Variants in IL33 observed in about 807,000 individuals in gnomAD.
IL33 encodes interleukin 33.
Under a neutral mutation model 27.3 loss-of-function variants are expected in IL33, and 37 were observed. The observed-to-expected ratio is 1.36, with a 90% CI of 1.04 to 1.78. IL33 has a LOEUF of 1.78. Among genes scored for constraint, IL33 ranks in the 40% most tolerant of loss-of-function variants. IL33 has a pLI of 0.00. For missense variants in IL33, 406 were observed against 311.4 expected, an observed-to-expected ratio of 1.30 and a Z score of -2.29; for synonymous variants, 132 against 102.9, an observed-to-expected ratio of 1.28 and a Z score of -1.71.
intron 1 of IL33, among the ~76,000 whole-genome samples, chr9:6,220,528 A>C (rs990745899): frequency 1.3e-5 from 2 of 152,150 alleles, no homozygotes; most frequent in Admixed American, 6.6e-5. Context: ...TTAGGGGACT[A>C]TATGCTTTTC....
Position 6,250,502 on chromosome 9 carries a change from C to T in IL33, c.120C>T (p.Cys40=), listed in dbSNP as rs1816286194. The change falls in exon 3 of 8, where the codon TGC becomes TGT. Residue 40 remains cysteine, a synonymous_variant. Coordinates refer to ENST00000682010, the MANE Select transcript of IL33 (RefSeq NM_033439.4). The part of the protein sequence containing the change: ...GKSQQKAKEV[C]PMYFMKLRSG... ...CCCAACAGAAGGCCAAAGAAGTTTGCCCCATGTACTTTATGAAGCTCCGCT... is the reference window on the plus strand; with the variant it reads ...CCCAACAGAAGGCCAAAGAAGTTTGTCCCATGTACTTTATGAAGCTCCGCT... The T allele has an allele frequency of 6.2e-7, 1 of 1,613,524 alleles. No individual in the cohort carries two copies. The highest frequency in any genetic ancestry group is 8.5e-7 in the Non-Finnish European group (1 of 1,179,784).
At chr9:6,249,656 G>A (rs890842739) in intron 2 of IL33, among the ~76,000 whole-genome samples, 4 of 152,052 alleles carry the variant, frequency 2.6e-5, no homozygotes, top group Admixed American at 1.3e-4. Context: ...CTTAGATGGC[G>A]GTAAGTGGAT....
At position 6,255,947 on chromosome 9, in the gene IL33, CTT is replaced by C; in HGVS notation, c.613-19_613-18del. 1 of 1,605,838 alleles carries C rather than the reference CTT, an allele frequency of 6.2e-7. No individual in the cohort carries two copies. The highest frequency in any genetic ancestry group is 1.7e-5 in the Admixed American group (1 of 59,896). The stretch of plus-strand genomic sequence containing the variant: ...GAACTTCCCATTCACATATGGATTG[CTT>C]TCTCTCTTGTTTCCTCAGCTCCATA... On this transcript the variant is annotated intron_variant, in intron 7 of 7. Transcript: ENST00000682010.
intron 1 of IL33, among the ~76,000 whole-genome samples, chr9:6,238,695 G>GGTTT (rs775988032): frequency 5.9e-5 from 9 of 152,098 alleles, no homozygotes; most frequent in Admixed American, 2.0e-4. Context: ...GGGATAATTT[G>GGTTT]GTTTGTTTGT....
At chr9:6,231,938 T>A (rs1430222317) in intron 1 of IL33, among the ~76,000 whole-genome samples, 1 of 152,234 alleles carries the variant, frequency 6.6e-6, no homozygotes, top group African/African-American at 2.4e-5. Flanking sequence ...TAAGAATTTC[T>A]CATAAACTCA....
chr9:6,235,995 ACACCCACACC>A (rs1441349652), intron 1 of IL33, among the ~76,000 whole-genome samples: 5 of 140,260 alleles, frequency 3.6e-5, no homozygotes, highest in South Asian at 2.3e-4. Flanking sequence ...ATCACAACAT[ACACCCACACC>A]CACCCACACC....
chr9:6,245,366 C>A (rs1819774280), intron 2 of IL33, among the ~76,000 whole-genome samples: 1 of 152,154 alleles, frequency 6.6e-6, no homozygotes, highest in East Asian at 1.9e-4. Flanking sequence ...TTGGCTAGAA[C>A]TGAGTAGAGA....
chr9:6,248,035 C>T (rs11792633), intron 2 of IL33, among the ~76,000 whole-genome samples: 53,535 of 151,732 alleles, frequency 0.35, 9,842 homozygotes, highest in East Asian at 0.5. Context: ...ATTAGGCATG[C>T]CTATCACGTT....
chr9:6,244,826 T>C (rs1322136980), intron 2 of IL33, among the ~76,000 whole-genome samples: 2 of 152,172 alleles, frequency 1.3e-5, no homozygotes, highest in East Asian at 3.8e-4. Flanking sequence ...AAAGCACATT[T>C]AATTCCTTCT....
At chr9:6,228,698 A>C (rs1319676336) in intron 1 of IL33, among the ~76,000 whole-genome samples, 5 of 152,072 alleles carry the variant, frequency 3.3e-5, no homozygotes, top group Admixed American at 2.6e-4. Flanking sequence ...CTCTACAAAA[A>C]TAAAAATTTA....
At chr9:6,224,228 T>C (rs1818535292) in intron 1 of IL33, among the ~76,000 whole-genome samples, 1 of 152,176 alleles carries the variant, frequency 6.6e-6, no homozygotes, top group Non-Finnish European at 1.5e-5. Flanking sequence ...GGCATATCTA[T>C]GTAGTGGGAA....
In IL33 at chr9:6,254,445, A is replaced by G. The variant is rs1258300463; in HGVS notation, c.521-17A>G. 6.7e-7 allele frequency: 1 copy of G among 1,499,026 alleles called. No individual in the cohort carries two copies. Among genetic ancestry groups the G allele is most frequent in the Non-Finnish European group, 9.1e-7 (1 of 1,100,414 alleles). The allele number at this position is 1,499,026 out of a possible 1,614,324, so 92.9% of individuals were successfully genotyped here. On this transcript the variant is annotated splice_polypyrimidine_tract_variant and intron_variant, in intron 6 of 7. Transcript: ENST00000682010. ...TACAGTTCTTAACTTTATCATTTAT[A>G]CTTTCTTAATTGTAAGGTGACGGTG...
rs763483741 is a variant in IL33 at position 6,241,745 on chromosome 9, G to C, written c.51G>C (p.Trp17Cys). 2 of 1,611,872 alleles carry C rather than the reference G, an allele frequency of 1.2e-6. No individual in the cohort carries two copies. The highest frequency in any genetic ancestry group is 4.5e-5 in the East Asian group (2 of 44,764). ...YSTNKISTAK[W>C]KNTASKALCF... ...CCAACAAAATTTCCACAGCAAAGTG[G>C]AAGAACACAGCAAGCAAAGCCTTGT... Residue 17 changes from tryptophan (W) to cysteine (C), a missense_variant, in exon 2 of 8, where the codon TGG becomes TGC. By Grantham distance (215) the Trp-to-Cys change is radical. Transcript: ENST00000682010.
At chr9:6,251,050 T>C in intron 3 of IL33, 90 bp from the exon 4 acceptor site, 1 of 1,522,978 alleles carries the variant, frequency 6.6e-7, no homozygotes, top group East Asian at 2.3e-5. Flanking sequence ...ATCACTACTC[T>C]CAGCAAGCAG....
At chr9:6,233,790 C>G (rs61151237) in intron 1 of IL33, among the ~76,000 whole-genome samples, 8,134 of 152,254 alleles carry the variant, frequency 0.053, 365 homozygotes, top group African/African-American at 0.11. Context: ...TAAGTAGCAT[C>G]TTCCCTTCTC....
chr9:6,248,044 T>C (rs1819969299), intron 2 of IL33, among the ~76,000 whole-genome samples: 2 of 152,102 alleles, frequency 1.3e-5, no homozygotes, highest in African/African-American at 4.8e-5. Flanking sequence ...GCCTATCACG[T>C]TCCCATGTGA....
chr9:6,239,579 G>C (rs1819413979), intron 1 of IL33, among the ~76,000 whole-genome samples: 1 of 151,916 alleles, frequency 6.6e-6, no homozygotes, highest in Non-Finnish European at 1.5e-5. Flanking sequence ...TTCCACTATA[G>C]AATAGCAACC....
intron 4 of IL33, among the ~76,000 whole-genome samples, chr9:6,251,922 T>G (rs1219393983): frequency 1.3e-5 from 2 of 151,522 alleles, no homozygotes; most frequent in African/African-American, 4.8e-5. Context: ...CACCCGTAAT[T>G]CCAGCTACTT....
At chr9:6,215,769 C>T (rs1352259263), upstream of IL33, 1 of 152,164 alleles carries the variant, frequency 6.6e-6, no homozygotes, top group Admixed American at 6.5e-5. Context: ...CTCTGCCAAA[C>T]TTTGGCTAAT....
Sources: gnomAD v4.1 joint callset for allele counts (sites outside exome capture counted in the v4.1 genomes callset) on GRCh38, gnomAD v4.1.1 for gene constraint, MANE v1.5 for transcripts, NCBI Gene and HGNC (gene_info 2026-07-23, HGNC 2026-07-21) for gene names.